TJP1: variants seen among roughly 807,000 people sequenced by gnomAD.
TJP1 encodes tight junction protein 1, also known as tight junction protein ZO-1.
In TJP1, 43 loss-of-function variants were observed where a neutral mutation model predicts 194.2. The ratio of observed to expected loss-of-function variants is 0.22; its 90% CI spans 0.17 to 0.29. TJP1 has a LOEUF of 0.29. Among genes scored for constraint, TJP1 ranks in the 10% least tolerant of loss-of-function variants. TJP1 has a pLI of 1.00. For missense variants in TJP1, 1,971 were observed against 2,185.7 expected, an observed-to-expected ratio of 0.90 and a Z score of 1.96; for synonymous variants, 801 against 779.0, an observed-to-expected ratio of 1.03 and a Z score of -0.47.
intron 2 of TJP1, among the ~76,000 whole-genome samples, chr15:29,916,955 C>T (rs1289204254): frequency 1.2e-4 from 18 of 152,314 alleles, no homozygotes; most frequent in East Asian, 9.6e-4. Flanking sequence ...TGTGCACATA[C>T]GCACACAGAA....
At chr15:29,807,825 C>A (rs1417621785) in intron 1 of TJP1, among the ~76,000 whole-genome samples, 2 of 151,682 alleles carry the variant, frequency 1.3e-5, no homozygotes, top group African/African-American at 2.4e-5. Flanking sequence ...CAGAAAGATA[C>A]CAATTTTGGA....
chr15:29,785,450 C>A (rs1451913122), intron 2 of TJP1, among the ~76,000 whole-genome samples: 1 of 152,152 alleles, frequency 6.6e-6, no homozygotes, highest in Non-Finnish European at 1.5e-5. Flanking sequence ...TGGCCTTTCA[C>A]ACAAAAGGTC....
intron 1 of TJP1, among the ~76,000 whole-genome samples, chr15:29,811,895 A>T (rs1350348376): frequency 6.8e-6 from 1 of 146,054 alleles, no homozygotes; most frequent in Non-Finnish European, 1.5e-5. Context: ...TGAATGTCTT[A>T]AATAATCTAC....
upstream of TJP1, among the ~76,000 whole-genome samples, chr15:29,825,023 C>T (rs2050635218): frequency 6.6e-6 from 1 of 152,022 alleles, no homozygotes. Context: ...TTTTTAATAT[C>T]TAAATTAAAC....
intron 2 of TJP1, among the ~76,000 whole-genome samples, chr15:29,927,990 A>G (rs2054577677): frequency 1.3e-5 from 2 of 152,130 alleles, no homozygotes; most frequent in Admixed American, 1.3e-4. Flanking sequence ...ACCAGAAACA[A>G]ACACAAACCC....
chr15:29,800,460 T>G (rs542155266), intron 2 of TJP1, 186 bp downstream of exon 2: 1 of 595,676 alleles, frequency 1.7e-6, no homozygotes, highest in South Asian at 2.3e-5. Context: ...AAAGGATATA[T>G]GAAAAAGTAA....
chr15:29,842,791 T>C (rs888139136), intron 2 of TJP1, among the ~76,000 whole-genome samples: 4 of 152,294 alleles, frequency 2.6e-5, no homozygotes, highest in Non-Finnish European at 4.4e-5. Flanking sequence ...CAGGTAACAA[T>C]AGTAAGTTTC....
intron 2 of TJP1, among the ~76,000 whole-genome samples, chr15:29,885,173 C>T (rs1280395694): frequency 6.8e-6 from 1 of 146,318 alleles, no homozygotes; most frequent in South Asian, 2.2e-4. Context: ...GTCCTCCTCC[C>T]GCAACTTATG....
At chr15:29,949,331 T>TCCACCACCTCCACCA (rs1396989745) in intron 2 of TJP1, among the ~76,000 whole-genome samples, 1 of 76,194 alleles carries the variant, frequency 1.3e-5, no homozygotes, top group Non-Finnish European at 2.6e-5. Flanking sequence ...CACCACTACC[T>TCCACCACCTCCACCA]CCACCACCTC....
At chr15:29,943,958 C>A (rs1002224989) in intron 2 of TJP1, among the ~76,000 whole-genome samples, 1 of 152,010 alleles carries the variant, frequency 6.6e-6, no homozygotes, top group East Asian at 1.9e-4. Context: ...AAACAAAACA[C>A]ACACACAAAA....
intron 1 of TJP1, among the ~76,000 whole-genome samples, chr15:29,959,369 C>T (rs2056073841): frequency 6.6e-6 from 1 of 151,894 alleles, no homozygotes. Context: ...TGAAAATCAC[C>T]ATCTAATGTT....
chr15:29,897,943 C>T (rs2152186869), intron 2 of TJP1, among the ~76,000 whole-genome samples: 1 of 152,270 alleles, frequency 6.6e-6, no homozygotes, highest in African/African-American at 2.4e-5. Flanking sequence ...CTTGCTTTGT[C>T]TCAGATGAGA....
At chr15:29,809,556 C>T (rs1410303765) in intron 1 of TJP1, among the ~76,000 whole-genome samples, 1 of 152,142 alleles carries the variant, frequency 6.6e-6, no homozygotes, top group Non-Finnish European at 1.5e-5. Flanking sequence ...TTAGAAAACA[C>T]TAAACATGGC....
intron 2 of TJP1, among the ~76,000 whole-genome samples, chr15:29,774,599 A>G (rs1178217382): frequency 1.3e-5 from 2 of 152,022 alleles, no homozygotes; most frequent in African/African-American, 4.8e-5. Context: ...CTAGGGCTAC[A>G]GGGATTGGAG....
intron 2 of TJP1, among the ~76,000 whole-genome samples, chr15:29,857,746 C>T (rs1845619263): frequency 6.6e-6 from 1 of 152,084 alleles, no homozygotes; most frequent in South Asian, 2.1e-4. Flanking sequence ...TAAATGAGTA[C>T]ATTTTATTAT....
intron 2 of TJP1, among the ~76,000 whole-genome samples, chr15:29,896,251 T>C (rs1214016755): frequency 6.6e-6 from 1 of 152,182 alleles, no homozygotes; most frequent in Non-Finnish European, 1.5e-5. Context: ...GGATCTTTCC[T>C]GTGCTGTTCT....
rs184572785 is a variant in TJP1, at chr15:29,951,701, G to A, written c.306+4531C>T. Among the ~76,000 whole-genome samples, 20 of 152,252 alleles carry A rather than the reference G, an allele frequency of 1.3e-4. 1 individual carries two copies. Among genetic ancestry groups the A allele is most frequent in the Middle Eastern group, 3.4e-3 (1 of 294 alleles). On this transcript the variant is annotated intron_variant, in intron 2 of 28. Coordinates refer to the TJP1 transcript ENST00000356107. Reference sequence around the variant, plus strand: ...TCCCTTTTGCCTAATGATTATCAGTGATGACTGAATCCCCTGTCACTCAAG... The same window carrying A: ...TCCCTTTTGCCTAATGATTATCAGTAATGACTGAATCCCCTGTCACTCAAG...
intron 2 of TJP1, among the ~76,000 whole-genome samples, chr15:29,861,479 A>C (rs1567142541): frequency 6.6e-6 from 1 of 152,212 alleles, no homozygotes; most frequent in Non-Finnish European, 1.5e-5. Flanking sequence ...GAGCAGTAGG[A>C]TATAAATAAC....
At chr15:29,938,629 A>C (rs141283795) in intron 2 of TJP1, among the ~76,000 whole-genome samples, 13 of 152,330 alleles carry the variant, frequency 8.5e-5, no homozygotes, top group African/African-American at 2.2e-4. Context: ...ATCACCTTCG[A>C]ATAAGCACAG....
Sources: allele counts gnomAD v4.1 joint callset (sites outside exome capture counted in the v4.1 genomes callset), GRCh38; gene constraint gnomAD v4.1.1; transcripts MANE v1.5; gene names NCBI Gene and HGNC (gene_info 2026-07-23, HGNC 2026-07-21).